Variants in LSAMP observed in about 807,000 individuals in gnomAD.
The protein encoded by LSAMP is limbic system associated membrane protein.
A neutral mutation model predicts 38.6 loss-of-function variants in LSAMP; 7 were observed. That is an observed-to-expected ratio of 0.18 (90% CI 0.10 to 0.34). The LOEUF (loss-of-function observed/expected upper bound fraction) is 0.34. LSAMP is among the 10% of genes least tolerant of loss of function. The pLI is 1.00. For synonymous variants in LSAMP, 154 were observed against 166.8 expected (o/e 0.92, Z 0.59); for missense variants, 313 against 420.0 (o/e 0.75, Z 2.23).
chr3:116,035,428 T>C (rs921953102), intron 2 of LSAMP, among the ~76,000 whole-genome samples: 2 of 152,132 alleles, frequency 1.3e-5, no homozygotes, highest in African/African-American at 4.8e-5. Flanking sequence ...AACATCAAAT[T>C]AGTCTACTAA....
intron 3 of LSAMP, among the ~76,000 whole-genome samples, chr3:115,907,691 A>G (rs1937041366): frequency 6.6e-6 from 1 of 152,204 alleles, no homozygotes; most frequent in Admixed American, 6.6e-5. Context: ...GTAGTTCTCA[A>G]ATAATTGAGA....
chr3:116,209,377 G>A (rs2046121614), intron 1 of LSAMP, among the ~76,000 whole-genome samples: 1 of 152,194 alleles, frequency 6.6e-6, no homozygotes, highest in South Asian at 2.1e-4. Flanking sequence ...GCTCACGCTG[G>A]GAGCTGTAGA....
chr3:116,413,936 G>C (rs2049014640), intron 1 of LSAMP, among the ~76,000 whole-genome samples: 1 of 151,164 alleles, frequency 6.6e-6, no homozygotes, highest in South Asian at 2.1e-4. Context: ...ACAGGAAACT[G>C]CTTTTTGCAA....
rs867954802 is a variant in LSAMP at position 116,207,909 on chromosome 3, G to A, written c.156-121353C>T. 7.0e-4 allele frequency among the ~76,000 whole-genome samples: 105 copies of A among 150,316 alleles called. 1 individual carries two copies. The Middle Eastern group carries it at 0.017, about 25-fold the overall frequency. On this transcript the variant is annotated intron_variant, in intron 1 of 6. Transcript: ENST00000490035. Reference sequence around the variant, plus strand: ...GTTGCTCTTCTCGAGGAGTATCTTTGTGGCGTTCTCTGTATTTCCTGAATC... The same window carrying A: ...GTTGCTCTTCTCGAGGAGTATCTTTATGGCGTTCTCTGTATTTCCTGAATC...
At chr3:116,081,996 G>A (rs1204749889) in intron 2 of LSAMP, among the ~76,000 whole-genome samples, 1 of 152,162 alleles carries the variant, frequency 6.6e-6, no homozygotes, top group Non-Finnish European at 1.5e-5. Context: ...TAGGCAGTAC[G>A]TAAATTGAAA....
chr3:116,241,516 G>T (rs945207254), intron 1 of LSAMP, among the ~76,000 whole-genome samples: 22 of 151,842 alleles, frequency 1.4e-4, no homozygotes, highest in African/African-American at 5.1e-4. Context: ...GCAGTGAGCT[G>T]GATTGTGCCA....
At chr3:116,215,237 A>G (rs1200278735) in intron 1 of LSAMP, among the ~76,000 whole-genome samples, 3 of 152,196 alleles carry the variant, frequency 2.0e-5, no homozygotes, top group Non-Finnish European at 4.4e-5. Context: ...ATGCTCTTCA[A>G]TATTCATTCT....
chr3:116,204,054 C>T (rs1028216413), intron 1 of LSAMP, among the ~76,000 whole-genome samples: 9 of 151,682 alleles, frequency 5.9e-5, no homozygotes, highest in East Asian at 1.9e-4. Flanking sequence ...ACATCCTCTC[C>T]ACCACCTGTT....
intron 1 of LSAMP, among the ~76,000 whole-genome samples, chr3:116,336,253 A>G (rs1390970796): frequency 6.6e-6 from 1 of 152,100 alleles, no homozygotes; most frequent in Non-Finnish European, 1.5e-5. Context: ...AAGAATAGAC[A>G]AAAAAGACAA....
intron 3 of LSAMP, among the ~76,000 whole-genome samples, chr3:115,883,645 T>G (rs2724466): frequency 6.6e-6 from 1 of 151,886 alleles, no homozygotes; most frequent in East Asian, 1.9e-4. Context: ...CAAGCAACCA[T>G]TGAATCCACA....
At chr3:116,069,042 T>C (rs971494445) in intron 2 of LSAMP, among the ~76,000 whole-genome samples, 3 of 152,224 alleles carry the variant, frequency 2.0e-5, no homozygotes, top group Non-Finnish European at 4.4e-5. Flanking sequence ...GTTTAAAACT[T>C]CAATAGGAAC....
At chr3:115,905,706 A>C (rs1936991229) in intron 3 of LSAMP, among the ~76,000 whole-genome samples, 1 of 152,242 alleles carries the variant, frequency 6.6e-6, no homozygotes, top group Admixed American at 6.6e-5. Context: ...TACATAAAGA[A>C]GTCACTTATA....
chr3:116,353,515 G>T (rs2048178391), intron 1 of LSAMP, among the ~76,000 whole-genome samples: 1 of 152,024 alleles, frequency 6.6e-6, no homozygotes, highest in East Asian at 1.9e-4. Context: ...CACCTAATTT[G>T]GGTTCCTCTA....
At chr3:115,863,842 A>G (rs1005403829) in intron 3 of LSAMP, among the ~76,000 whole-genome samples, 1 of 152,144 alleles carries the variant, frequency 6.6e-6, no homozygotes, top group African/African-American at 2.4e-5. Flanking sequence ...CAGGTTTCTC[A>G]GAATGAAAAA....
chr3:116,055,510 G>C (rs73858510), intron 2 of LSAMP, among the ~76,000 whole-genome samples: 2 of 152,116 alleles, frequency 1.3e-5, no homozygotes, highest in Non-Finnish European at 2.9e-5. Flanking sequence ...GACTTGAAGG[G>C]TTAGGTCCCC....
At chr3:116,065,832 C>T (rs1559728955) in intron 2 of LSAMP, among the ~76,000 whole-genome samples, 1 of 152,218 alleles carries the variant, frequency 6.6e-6, no homozygotes, top group Non-Finnish European at 1.5e-5. Flanking sequence ...TGGAATCCAA[C>T]AGACCTGAGC....
intron 1 of LSAMP, among the ~76,000 whole-genome samples, chr3:116,263,529 C>A (rs1375950386): frequency 7.2e-6 from 1 of 138,272 alleles, no homozygotes. Context: ...CAGAGTAAGA[C>A]TTTGTCTCAA....
chr3:115,942,867 T>C (rs138669466), intron 3 of LSAMP, among the ~76,000 whole-genome samples: 1,980 of 152,252 alleles, frequency 0.013, 18 homozygotes, highest in South Asian at 0.023. Flanking sequence ...CATGGAAGCA[T>C]CCATGGCTTT....
intron 1 of LSAMP, among the ~76,000 whole-genome samples, chr3:116,096,130 G>C (rs978736999): frequency 5.9e-5 from 9 of 152,170 alleles, no homozygotes; most frequent in African/African-American, 2.2e-4. Flanking sequence ...AGCAATGCCT[G>C]GATCTAATGT....
Sources: allele counts gnomAD v4.1 joint callset (sites outside exome capture counted in the v4.1 genomes callset), GRCh38; gene constraint gnomAD v4.1.1; transcripts MANE v1.5; gene names NCBI Gene and HGNC (gene_info 2026-07-23, HGNC 2026-07-21).